Variants in NAALADL2 observed in about 807,000 individuals in gnomAD.
The protein encoded by NAALADL2 is N-acetylated alpha-linked acidic dipeptidase like 2.
Under a neutral mutation model 87.2 loss-of-function variants are expected in NAALADL2, and 76 were observed. The ratio of observed to expected loss-of-function variants is 0.87; its 90% CI spans 0.72 to 1.05. NAALADL2 has a LOEUF of 1.05. NAALADL2 is among the 50% of genes least tolerant of loss of function. NAALADL2 has a pLI of 0.00. For missense variants in NAALADL2, 1,089 were observed against 945.8 expected (o/e 1.15, Z -1.99); for synonymous variants, 354 against 331.0 (o/e 1.07, Z -0.75).
chr3:175,498,922 A>T (rs1729173964), intron 9 of NAALADL2, among the ~76,000 whole-genome samples: 1 of 152,102 alleles, frequency 6.6e-6, no homozygotes, highest in South Asian at 2.1e-4. Context: ...CAGAGATCCT[A>T]TCTGCATTCT....
chr3:175,651,757 G>A (rs1730797486), intron 11 of NAALADL2, among the ~76,000 whole-genome samples: 1 of 152,124 alleles, frequency 6.6e-6, no homozygotes, highest in Admixed American at 6.5e-5. Context: ...TTTATAATTT[G>A]TGCAGGGTTT....
At chr3:174,725,732 A>G (rs763556548) in intron 2 of NAALADL2, among the ~76,000 whole-genome samples, 1 of 152,200 alleles carries the variant, frequency 6.6e-6, no homozygotes, top group Admixed American at 6.5e-5. Flanking sequence ...AGGCATGACA[A>G]CATACATGGT....
intron 3 of NAALADL2, among the ~76,000 whole-genome samples, chr3:174,838,062 A>C (rs1723571547): frequency 6.6e-6 from 1 of 151,304 alleles, no homozygotes. Flanking sequence ...ACAGACCAAT[A>C]TCTCTGATGA....
Position 175,258,314 on chromosome 3 carries a change from C to CAA in NAALADL2, c.939+1784_939+1785insAA, listed in dbSNP as rs1235415225. Among the ~76,000 whole-genome samples the CAA allele has an allele frequency of 1.5e-4, 8 of 53,642 alleles. No homozygotes were observed. The South Asian group carries it at 7.2e-3, about 48-fold the overall frequency. 35.2% of individuals were successfully genotyped at this position (53,642 alleles called of 152,430 possible). A position where few individuals can be genotyped will look rare whatever the true frequency, so the allele number is the denominator to read the frequency against. On this transcript the variant is annotated intron_variant, in intron 4 of 13. Coordinates refer to ENST00000454872, the MANE Select transcript of NAALADL2 (RefSeq NM_207015.3). ...CAGAGGGCGAGACTCCGTCCCTCCG[C>CAA]CCCCACCACCAAAAAAAAAAAAAAA...
At chr3:174,936,752 C>A (rs1737746048) in intron 1 of NAALADL2, among the ~76,000 whole-genome samples, 1 of 152,080 alleles carries the variant, frequency 6.6e-6, no homozygotes, top group Non-Finnish European at 1.5e-5. Flanking sequence ...TACTGACAGG[C>A]CATGTCAATA....
At chr3:175,586,711 A>T (rs1720586457) in intron 10 of NAALADL2, among the ~76,000 whole-genome samples, 2 of 152,178 alleles carry the variant, frequency 1.3e-5, no homozygotes, top group African/African-American at 4.8e-5. Context: ...ATTTTTATTC[A>T]TGATGATTCT....
At chr3:174,611,495 A>G (rs886233292) in intron 2 of NAALADL2, among the ~76,000 whole-genome samples, 10 of 152,112 alleles carry the variant, frequency 6.6e-5, no homozygotes, top group Admixed American at 5.2e-4. Context: ...TACGGTAGGA[A>G]TAGTGTACAT....
At chr3:175,120,747 C>T (rs923065431) in intron 2 of NAALADL2, among the ~76,000 whole-genome samples, 1 of 151,690 alleles carries the variant, frequency 6.6e-6, no homozygotes, top group African/African-American at 2.4e-5. Context: ...TTATTATTGA[C>T]CCTTTTTGTT....
At chr3:175,101,705 T>C (rs1344614440) in intron 2 of NAALADL2, among the ~76,000 whole-genome samples, 1 of 152,216 alleles carries the variant, frequency 6.6e-6, no homozygotes, top group Non-Finnish European at 1.5e-5. Flanking sequence ...TATAATATTG[T>C]AATAATAAGA....
intron 9 of NAALADL2, among the ~76,000 whole-genome samples, chr3:175,483,355 T>G (rs1726794077): frequency 6.6e-6 from 1 of 151,028 alleles, no homozygotes; most frequent in Non-Finnish European, 1.5e-5. Context: ...TTTCCTTTTC[T>G]CCTTTTCCTG....
chr3:174,907,171 C>CT (rs1024022818), intron 1 of NAALADL2, among the ~76,000 whole-genome samples: 22 of 152,056 alleles, frequency 1.4e-4, no homozygotes, highest in African/African-American at 5.3e-4. Flanking sequence ...GTACTTAGAT[C>CT]AAAATCATTG....
upstream of NAALADL2, among the ~76,000 whole-genome samples, chr3:174,854,510 A>T (rs540429979): frequency 6.6e-6 from 1 of 152,296 alleles, no homozygotes; most frequent in East Asian, 1.9e-4. Context: ...TTTATTGTAC[A>T]TTTCAAAATC....
At chr3:174,966,289 C>G (rs1742855156) in intron 1 of NAALADL2, among the ~76,000 whole-genome samples, 1 of 152,170 alleles carries the variant, frequency 6.6e-6, no homozygotes, top group South Asian at 2.1e-4. Flanking sequence ...TGGCCATAGG[C>G]TACATCCCCA....
At chr3:175,195,278 A>T (rs1306739575) in intron 2 of NAALADL2, among the ~76,000 whole-genome samples, 1 of 151,796 alleles carries the variant, frequency 6.6e-6, no homozygotes, top group African/African-American at 2.4e-5. Context: ...AATGAATAGA[A>T]CAATCCCCTG....
intron 3 of NAALADL2, among the ~76,000 whole-genome samples, chr3:174,846,903 G>T (rs935448652): frequency 6.6e-6 from 1 of 152,098 alleles, no homozygotes. Context: ...AGAGAAGAAA[G>T]ACTGTATTTA....
intron 11 of NAALADL2, among the ~76,000 whole-genome samples, chr3:175,661,168 T>G (rs2149812147): frequency 6.6e-6 from 1 of 152,168 alleles, no homozygotes; most frequent in East Asian, 1.9e-4. Context: ...TTATTTTTTG[T>G]CTTTTTGATA....
At chr3:175,048,446 A>G (rs1452893029) in intron 1 of NAALADL2, among the ~76,000 whole-genome samples, 1 of 151,930 alleles carries the variant, frequency 6.6e-6, no homozygotes, top group African/African-American at 2.4e-5. Flanking sequence ...TTGCTGTGGC[A>G]ACTTGAAATT....
intron 2 of NAALADL2, among the ~76,000 whole-genome samples, chr3:174,632,584 A>C (rs1722218834): frequency 6.6e-6 from 1 of 152,082 alleles, no homozygotes; most frequent in African/African-American, 2.4e-5. Flanking sequence ...GGAGGTGAGG[A>C]TAGGCAATAG....
intron 13 of NAALADL2, among the ~76,000 whole-genome samples, chr3:175,758,473 G>A (rs572789936): frequency 5.9e-5 from 9 of 151,658 alleles, no homozygotes; most frequent in East Asian, 3.9e-4. Context: ...TAGACGTATC[G>A]GACTCACCTT....
Sources: gnomAD v4.1 joint callset for allele counts (sites outside exome capture counted in the v4.1 genomes callset) on GRCh38, gnomAD v4.1.1 for gene constraint, MANE v1.5 for transcripts, NCBI Gene and HGNC (gene_info 2026-07-23, HGNC 2026-07-21) for gene names.